Variants in GINS4 observed in about 807,000 individuals in gnomAD.
The protein encoded by GINS4 is GINS complex subunit 4, also known as DNA replication complex GINS protein SLD5.
Under a neutral mutation model 31.1 loss-of-function variants are expected in GINS4, and 20 were observed. That is an observed-to-expected ratio of 0.64 (90% confidence interval 0.45 to 0.93). The LOEUF is 0.93. GINS4 is among the 40% of genes least tolerant of loss of function. The probability of loss-of-function intolerance (pLI) is 0.00; values close to 1 mark genes in which losing one functional copy is unlikely to be tolerated. For synonymous variants in GINS4, 85 were observed against 97.9 expected (o/e 0.87, Z 0.78); for missense variants, 245 against 273.9 (o/e 0.89, Z 0.75).
In GINS4 at chr8:41,536,351, GTC is replaced by G; in HGVS notation, c.97-7_97-6del. 1 of 1,582,382 alleles carries G rather than the reference GTC, an allele frequency of 6.3e-7. No homozygotes were observed. Among genetic ancestry groups the G allele is most frequent in the Non-Finnish European group, 8.7e-7 (1 of 1,151,146 alleles). ...GTGATGCTTGCTTTTTCTGGCATTTGTCTTTTAGGCCTGGATGAATGAAAAGT... is the reference window on the plus strand; with the variant it reads ...GTGATGCTTGCTTTTTCTGGCATTTGTTTTAGGCCTGGATGAATGAAAAGT... On this transcript the variant is annotated splice_polypyrimidine_tract_variant and splice_region_variant and intron_variant, in intron 2 of 7. Coordinates refer to ENST00000276533, the MANE Select transcript of GINS4 (RefSeq NM_032336.3).
At chr8:41,534,276 A>T (rs775506426) in intron 2 of GINS4, 1 of 427,512 alleles carries the variant, frequency 2.3e-6, no homozygotes, top group African/African-American at 2.0e-5. Context: ...GCTTTGTGGT[A>T]TGTACCTTTA....
Position 41,539,972 on chromosome 8 carries a change from C to G in GINS4, c.452C>G (p.Pro151Arg). 6.2e-7 allele frequency: 1 copy of G among 1,614,160 alleles called. No individual in the cohort carries two copies. Among genetic ancestry groups the G allele is most frequent in the Non-Finnish European group, 8.5e-7 (1 of 1,179,984 alleles). ...LKNVALKHMPPNLQKVDLFRA... is the reference protein window; with the variant it reads ...LKNVALKHMPRNLQKVDLFRA... Reference sequence around the variant, plus strand: ...AATGTCGCCTTGAAGCACATGCCCCCTAACTTACAGAAGGTGGACCTCTTT... The same window carrying G: ...AATGTCGCCTTGAAGCACATGCCCCGTAACTTACAGAAGGTGGACCTCTTT... Residue 151 changes from proline (P) to arginine (R), a missense_variant, in exon 6 of 8, where the codon CCT (proline) becomes CGT (arginine). Physicochemically the swap from Pro to Arg is moderately radical, Grantham distance 103 (BLOSUM62 -2). Coordinates refer to ENST00000276533, the MANE Select transcript of GINS4 (RefSeq NM_032336.3).
rs1207975231 is a variant in GINS4 at position 41,540,001 on chromosome 8, G to A, written c.481G>A (p.Ala161Thr). The change falls in exon 6 of 8, where the codon GCA (alanine) becomes ACA (threonine). Residue 161 changes from alanine to threonine, a missense_variant. Ala to Thr is a moderately conservative substitution (Grantham distance 58). Transcript: ENST00000276533. ...CTTACAGAAGGTGGACCTCTTTCGG[G>A]CAGGTAAACAGGACGTTCTCCCTGC... The part of the protein sequence containing the change: ...PNLQKVDLFR[A>T]VPKPDLDSYV... 3 of 1,613,304 alleles carry A rather than the reference G, an allele frequency of 1.9e-6. No homozygotes were observed. The highest frequency in any genetic ancestry group is 2.5e-6 in the Non-Finnish European group (3 of 1,179,248).
chr8:41,533,732 G>C (rs1416186982), intron 2 of GINS4, among the ~76,000 whole-genome samples: 1 of 152,176 alleles, frequency 6.6e-6, no homozygotes, highest in African/African-American at 2.4e-5. Context: ...TAGTTTGCTA[G>C]GGCCACAGAG....
rs745774684 is a variant in GINS4, at chr8:41,537,288, A to G, written c.292A>G (p.Met98Val). 5 of 1,608,720 alleles carry G rather than the reference A, an allele frequency of 3.1e-6. No homozygotes were observed. The South Asian group carries it at 5.5e-5, about 18-fold the overall frequency. Residue 98 changes from methionine to valine, a missense_variant, in exon 4 of 8, where the codon ATG becomes GTG. Met to Val is a conservative substitution (Grantham distance 21). Transcript: ENST00000276533. ...CAGCAGCTACTTGCGGTGTCGCCTC[A>G]TGAAGGTTTGACGTGGAGATACCTG... ...VLSSYLRCRL[M>V]KIEKFFPHVL...
At chr8:41,530,537 G>T (rs1241740178) in intron 2 of GINS4, among the ~76,000 whole-genome samples, 2 of 152,184 alleles carry the variant, frequency 1.3e-5, no homozygotes, top group Non-Finnish European at 2.9e-5. Context: ...GGCACATTCA[G>T]TGAACAGTTC....
In GINS4 at chr8:41,536,358, A is replaced by C. The variant is rs987292611; in HGVS notation, c.97-2A>C. ...TTGCTTTTTCTGGCATTTGTCTTTT[A>C]GGCCTGGATGAATGAAAAGTTTGCC... is the stretch of plus-strand genomic sequence containing the variant. On this transcript the variant is annotated splice_acceptor_variant, in intron 2 of 7. Transcript: ENST00000276533. LOFTEE classifies it high-confidence loss of function. The C allele has an allele frequency of 6.3e-7, 1 of 1,590,770 alleles. No individual in the cohort carries two copies. Among genetic ancestry groups the C allele is most frequent in the African/African-American group, 1.3e-5 (1 of 74,416 alleles).
intron 2 of GINS4, among the ~76,000 whole-genome samples, chr8:41,534,732 CAG>C (rs1464482277): frequency 6.6e-6 from 1 of 151,298 alleles, no homozygotes; most frequent in Non-Finnish European, 1.5e-5. Context: ...GAGGGACACA[CAG>C]GGTCTTTTTT....
chr8:41,535,074 A>G (rs1806718963), intron 2 of GINS4, among the ~76,000 whole-genome samples: 1 of 151,540 alleles, frequency 6.6e-6, no homozygotes, highest in African/African-American at 2.4e-5. Context: ...TCGGTGGCTC[A>G]CGCCTCTAAC....
chr8:41,536,493 G>A, intron 3 of GINS4, 47 bp downstream of exon 3: 1 of 1,171,764 alleles, frequency 8.5e-7, no homozygotes, highest in East Asian at 2.4e-5. Flanking sequence ...AAAGGTAAAA[G>A]CATTTGGTCA....
rs567254742 is a variant in GINS4, at chr8:41,542,615, C to G, written c.*528C>G. 7.6e-5 allele frequency: 12 copies of G among 157,428 alleles called. No homozygotes were observed. The highest frequency in any genetic ancestry group is 1.3e-4 in the Non-Finnish European group (9 of 70,920). 9.8% of individuals were successfully genotyped at this position (157,428 alleles called of 1,614,324 possible). A position where few individuals can be genotyped will look rare whatever the true frequency, so the allele number is the denominator to read the frequency against. ...TGAGCCAAGATCGTGCCATTGCACT[C>G]TAGCCTGGGCGACAGAGCGAGACTC... On this transcript the variant is annotated 3_prime_UTR_variant, in exon 8 of 8. Coordinates refer to ENST00000276533, the MANE Select transcript of GINS4 (RefSeq NM_032336.3).
intron 6 of GINS4, among the ~76,000 whole-genome samples, chr8:41,540,790 C>A (rs1806826793): frequency 6.6e-6 from 1 of 152,230 alleles, no homozygotes; most frequent in Non-Finnish European, 1.5e-5. Context: ...CCAGCCTGTG[C>A]TGGGGCTGGG....
chr8:41,537,418 A>G, intron 4 of GINS4, 125 bp downstream of exon 4: 1 of 640,172 alleles, frequency 1.6e-6, no homozygotes. Flanking sequence ...CTAAGAGCCC[A>G]ATATCCATGT....
intron 2 of GINS4, among the ~76,000 whole-genome samples, chr8:41,533,427 C>CG (rs1239015091): frequency 6.6e-5 from 10 of 152,152 alleles, no homozygotes; most frequent in African/African-American, 2.4e-4. Flanking sequence ...GATGGGGCGG[C>CG]GGGGGTTCTG....
At chr8:41,536,291 G>C in intron 2 of GINS4, 69 bp from the exon 3 acceptor site, 1 of 918,742 alleles carries the variant, frequency 1.1e-6, no homozygotes. Context: ...CGTTGGACTT[G>C]GGCTGACTCA....
intron 6 of GINS4, among the ~76,000 whole-genome samples, chr8:41,540,637 C>CG (rs1806823982): frequency 6.6e-6 from 1 of 152,202 alleles, no homozygotes; most frequent in African/African-American, 2.4e-5. Flanking sequence ...ATCAACCCAC[C>CG]GGGGGCCCTG....
chr8:41,531,897 T>C (rs1165749010), intron 2 of GINS4, among the ~76,000 whole-genome samples: 1 of 152,228 alleles, frequency 6.6e-6, no homozygotes, highest in Non-Finnish European at 1.5e-5. Context: ...GTTCAAGCGA[T>C]TCTCCTGCAT....
intron 2 of GINS4, among the ~76,000 whole-genome samples, chr8:41,531,144 T>C (rs1041784237): frequency 6.6e-6 from 1 of 152,194 alleles, no homozygotes; most frequent in African/African-American, 2.4e-5. Context: ...TGGTGGCGCA[T>C]GCCTGTAATC....
At chr8:41,540,143 A>G in intron 6 of GINS4, 139 bp downstream of exon 6, 1 of 663,066 alleles carries the variant, frequency 1.5e-6, no homozygotes, top group Non-Finnish European at 2.6e-6. Flanking sequence ...ATTCTAGCTA[A>G]AAACCAAAAA....
Sources: gnomAD v4.1 joint callset for allele counts (sites outside exome capture counted in the v4.1 genomes callset) on GRCh38, gnomAD v4.1.1 for gene constraint, MANE v1.5 for transcripts, NCBI Gene and HGNC (gene_info 2026-07-23, HGNC 2026-07-21) for gene names.